PIK3C2G: variants seen among roughly 807,000 people sequenced by gnomAD.
The protein encoded by PIK3C2G is phosphatidylinositol 3-kinase C2 domain-containing subunit gamma.
Under a neutral mutation model 181.1 loss-of-function variants are expected in PIK3C2G, and 168 were observed. The ratio of observed to expected loss-of-function variants is 0.93; its 90% CI spans 0.82 to 1.05. The LOEUF (loss-of-function observed/expected upper bound fraction) is 1.05. Among genes scored for constraint, PIK3C2G ranks in the 50% least tolerant of loss-of-function variants. PIK3C2G has a pLI of 0.00. For missense variants in PIK3C2G, 1,869 were observed against 1,732.8 expected, an observed-to-expected ratio of 1.08 and a Z score of -1.40; for synonymous variants, 573 against 592.2, an observed-to-expected ratio of 0.97 and a Z score of 0.47.
the PIK3C2G span, among the ~76,000 whole-genome samples, chr12:18,671,664 T>C: frequency 6.6e-6 from 1 of 152,172 alleles, no homozygotes; most frequent in Non-Finnish European, 1.5e-5. Flanking sequence ...AAAATTTCAT[T>C]ATTGCAGACA....
chr12:18,490,222 G>A (rs968108364), intron 19 of PIK3C2G, among the ~76,000 whole-genome samples: 7 of 151,968 alleles, frequency 4.6e-5, no homozygotes, highest in Non-Finnish European at 7.4e-5. Flanking sequence ...ACACACAGAG[G>A]GCTGTAATGC....
At chr12:18,668,149 G>A in the PIK3C2G span, among the ~76,000 whole-genome samples, 8,629 of 152,066 alleles carry the variant, frequency 0.057, 633 homozygotes, top group African/African-American at 0.17. Flanking sequence ...GTCTCATAGG[G>A]ACTAGCAGGT....
intron 29 of PIK3C2G, among the ~76,000 whole-genome samples, chr12:18,585,565 T>A (rs995235310): frequency 6.6e-6 from 1 of 152,162 alleles, no homozygotes; most frequent in Non-Finnish European, 1.5e-5. Flanking sequence ...CTTAGAGACC[T>A]ACACAGAGAT....
chr12:18,343,473 A>G (rs1939344582), intron 10 of PIK3C2G, 113 bp downstream of exon 10: 2 of 472,160 alleles, frequency 4.2e-6, no homozygotes, highest in Non-Finnish European at 7.7e-6. Flanking sequence ...CACAACACAC[A>G]CACACACACA....
intron 32 of PIK3C2G, among the ~76,000 whole-genome samples, chr12:18,644,970 C>A (rs1376508104): frequency 3.3e-5 from 5 of 152,114 alleles, no homozygotes; most frequent in Non-Finnish European, 7.4e-5. Flanking sequence ...TCAGTAAATT[C>A]TTGGAATGTT....
intron 11 of PIK3C2G, among the ~76,000 whole-genome samples, chr12:18,356,523 C>A (rs576413972): frequency 2.8e-4 from 43 of 152,262 alleles, no homozygotes; most frequent in African/African-American, 9.9e-4. Flanking sequence ...CATCCACGGA[C>A]AGCTTAAGTG....
At chr12:18,521,828 T>C (rs1002065030) in intron 24 of PIK3C2G, among the ~76,000 whole-genome samples, 2 of 152,354 alleles carry the variant, frequency 1.3e-5, no homozygotes, top group Non-Finnish European at 1.5e-5. Flanking sequence ...AAGCAGATTT[T>C]AGCCGAGTGG....
chr12:18,600,352 T>G (rs2136533934), intron 30 of PIK3C2G, among the ~76,000 whole-genome samples: 1 of 152,044 alleles, frequency 6.6e-6, no homozygotes, highest in Admixed American at 6.5e-5. Context: ...TTTGCAAAAT[T>G]TCTAAAGACT....
intron 18 of PIK3C2G, 100 bp from the exon 19 acceptor site, chr12:18,488,349 C>T (rs1940247431): frequency 1.4e-6 from 1 of 690,280 alleles, no homozygotes; most frequent in African/African-American, 1.9e-5. Flanking sequence ...CCAAAGCCAC[C>T]AAATACAGAT....
intron 1 of PIK3C2G, among the ~76,000 whole-genome samples, chr12:18,274,333 G>T (rs1028400175): frequency 7.2e-5 from 11 of 152,130 alleles, no homozygotes; most frequent in Admixed American, 7.2e-4. Context: ...AAATCATGCT[G>T]CTATAAAGAC....
intron 3 of PIK3C2G, among the ~76,000 whole-genome samples, chr12:18,290,080 T>C (rs913994044): frequency 6.6e-6 from 1 of 152,194 alleles, no homozygotes; most frequent in Admixed American, 6.5e-5. Flanking sequence ...ATGTCTTTTC[T>C]ATTGTAATAG....
rs540844007 is a variant in PIK3C2G, at chr12:18,425,416, G to A, written c.2504+1377G>A. 6.8e-5 allele frequency among the ~76,000 whole-genome samples: 7 copies of A among 102,756 alleles called. No individual in the cohort carries two copies. In the South Asian group the frequency reaches 1.1e-3, roughly 16 times the overall value. 67.4% of individuals were successfully genotyped at this position (102,756 alleles called of 152,430 possible). A position where few individuals can be genotyped will look rare whatever the true frequency, so the allele number is the denominator to read the frequency against. ...TTTTTTTTTTTTTTTTTTTTGAGTCGGAGTCTCACTTTGTCACCAGGCTGG... is the reference window on the plus strand; with the variant it reads ...TTTTTTTTTTTTTTTTTTTTGAGTCAGAGTCTCACTTTGTCACCAGGCTGG... On this transcript the variant is annotated intron_variant, in intron 18 of 32. Transcript: ENST00000538779.
intron 31 of PIK3C2G, among the ~76,000 whole-genome samples, chr12:18,630,295 G>A (rs902330844): frequency 1.3e-5 from 2 of 152,102 alleles, no homozygotes; most frequent in Admixed American, 1.3e-4. Context: ...GGGAGGCTGA[G>A]GCAGGAGAAT....
At chr12:18,517,936 C>T (rs771682891) in intron 24 of PIK3C2G, among the ~76,000 whole-genome samples, 1 of 152,142 alleles carries the variant, frequency 6.6e-6, no homozygotes, top group African/African-American at 2.4e-5. Context: ...GAGTTTTTAA[C>T]ATGAAGGGAT....
chr12:18,352,446 GGA>G (rs1050488602), intron 11 of PIK3C2G, among the ~76,000 whole-genome samples: 2 of 152,190 alleles, frequency 1.3e-5, no homozygotes, highest in African/African-American at 4.8e-5. Flanking sequence ...GCAGGGGCCA[GGA>G]CAAGTGCTTC....
At chr12:18,491,377 A>C in intron 19 of PIK3C2G, 74 bp from the exon 20 acceptor site, 1 of 786,620 alleles carries the variant, frequency 1.3e-6, no homozygotes, top group South Asian at 1.7e-5. Context: ...AATCAATAGA[A>C]GAAAATTATA....
chr12:18,645,028 C>A (rs554884384), intron 32 of PIK3C2G, among the ~76,000 whole-genome samples: 2 of 151,992 alleles, frequency 1.3e-5, no homozygotes, highest in Non-Finnish European at 2.9e-5. Context: ...TTCTATTAGA[C>A]GTAATAATTC....
At chr12:18,325,241 G>T in intron 8 of PIK3C2G, 143 bp downstream of exon 8, 1 of 602,392 alleles carries the variant, frequency 1.7e-6, no homozygotes, top group Non-Finnish European at 2.9e-6. Flanking sequence ...ATTTCAACCT[G>T]GAAAAATAGA....
intron 30 of PIK3C2G, among the ~76,000 whole-genome samples, chr12:18,607,347 C>T (rs1289057544): frequency 6.6e-6 from 1 of 152,048 alleles, no homozygotes; most frequent in Non-Finnish European, 1.5e-5. Flanking sequence ...GGTACCAAAA[C>T]AGAGATATAG....
Sources: allele counts gnomAD v4.1 joint callset (sites outside exome capture counted in the v4.1 genomes callset), GRCh38; gene constraint gnomAD v4.1.1; transcripts MANE v1.5; gene names NCBI Gene and HGNC (gene_info 2026-07-23, HGNC 2026-07-21).